The following GAB2 variants were observed in gnomAD, a reference collection of about 807,000 sequenced individuals.
GAB2 encodes GRB2 associated binding protein 2.
A neutral mutation model predicts 65.5 loss-of-function variants in GAB2; 26 were observed. The ratio of observed to expected loss-of-function variants is 0.40; its 90% CI spans 0.29 to 0.55. The LOEUF (loss-of-function observed/expected upper bound fraction) is 0.55. GAB2 is among the 20% of genes least tolerant of loss of function. The pLI is 0.53. For missense variants in GAB2, 884 were observed against 875.8 expected, an observed-to-expected ratio of 1.01 and a Z score of -0.12; for synonymous variants, 321 against 329.6, an observed-to-expected ratio of 0.97 and a Z score of 0.28.
rs958684301 is a variant in GAB2, at chr11:78,226,496, G to A, written c.1176C>T (p.Leu392=). 4.3e-6 allele frequency: 7 copies of A among 1,613,862 alleles called. No homozygotes were observed. In the African/African-American group the frequency reaches 8.0e-5, roughly 18 times the overall value. Residue 392 remains leucine, a synonymous_variant, in exon 4 of 10, where the codon CTC becomes CTT. Coordinates refer to ENST00000361507, the MANE Select transcript of GAB2 (RefSeq NM_080491.3). ...GAAGTCGGCTGTTGTCCATTGCAGG[G>A]AGGGTGTTGCGTCTGGGGATGGTGG... ...VAATIPRRNT[L]PAMDNSRLHR...
chr11:78,300,125 A>G (rs896632152), intron 1 of GAB2, among the ~76,000 whole-genome samples: 15 of 152,110 alleles, frequency 9.9e-5, no homozygotes, highest in Non-Finnish European at 1.9e-4. Context: ...CTCACTCCCT[A>G]TCCTGGTGCC....
chr11:78,336,522 A>G (rs1856006691), intron 1 of GAB2, among the ~76,000 whole-genome samples: 1 of 144,446 alleles, frequency 6.9e-6, no homozygotes, highest in Non-Finnish European at 1.5e-5. Context: ...TTTTCCAAAT[A>G]TGAGATCATA....
chr11:78,219,790 C>T (rs975733335), intron 9 of GAB2, among the ~76,000 whole-genome samples: 1 of 152,180 alleles, frequency 6.6e-6, no homozygotes, highest in African/African-American at 2.4e-5. Context: ...ACATCAGCCA[C>T]AGGACTTTAC....
At chr11:78,238,101 G>A (rs1865029768) in intron 3 of GAB2, among the ~76,000 whole-genome samples, 1 of 151,296 alleles carries the variant, frequency 6.6e-6, no homozygotes. Context: ...TAGGTGATGG[G>A]TTGATCTGTG....
At chr11:78,373,152 G>A (rs1302756386) in intron 1 of GAB2, among the ~76,000 whole-genome samples, 2 of 151,124 alleles carry the variant, frequency 1.3e-5, no homozygotes, top group East Asian at 1.9e-4. Context: ...ACAAATAATT[G>A]TACATGTTTA....
intron 1 of GAB2, among the ~76,000 whole-genome samples, chr11:78,398,216 T>C (rs1856926851): frequency 6.6e-6 from 1 of 152,240 alleles, no homozygotes; most frequent in African/African-American, 2.4e-5. Context: ...AAAGACACGC[T>C]GTCTACCCGA....
intron 1 of GAB2, among the ~76,000 whole-genome samples, chr11:78,412,150 A>T (rs1175722494): frequency 6.6e-6 from 1 of 151,812 alleles, no homozygotes. Flanking sequence ...AAAAAAAAAA[A>T]CCTATATATA....
intron 3 of GAB2, among the ~76,000 whole-genome samples, chr11:78,238,962 C>A (rs2134500897): frequency 6.6e-6 from 1 of 152,198 alleles, no homozygotes; most frequent in South Asian, 2.1e-4. Flanking sequence ...GGACAAAAGA[C>A]TTGAAATAGA....
intron 1 of GAB2, among the ~76,000 whole-genome samples, chr11:78,291,547 A>AT (rs1866674308): frequency 1.2e-5 from 1 of 86,754 alleles, no homozygotes; most frequent in Non-Finnish European, 2.2e-5. Context: ...TGAGAGACTT[A>AT]CTTTTTTCTT....
At chr11:78,386,268 T>G (rs1856765031) in intron 1 of GAB2, among the ~76,000 whole-genome samples, 1 of 152,180 alleles carries the variant, frequency 6.6e-6, no homozygotes, top group Admixed American at 6.5e-5. Flanking sequence ...CCATTCTAGT[T>G]GCTTCTTTCC....
chr11:78,388,168 G>A (rs950007820), intron 1 of GAB2: 2 of 151,958 alleles, frequency 1.3e-5, no homozygotes, highest in African/African-American at 4.8e-5. Flanking sequence ...TGGGACTATA[G>A]GCATGCACCA....
At chr11:78,392,070 C>G (rs530118159) in intron 1 of GAB2, 1 of 152,140 alleles carries the variant, frequency 6.6e-6, no homozygotes, top group Non-Finnish European at 1.5e-5. Context: ...AACCCTGTCT[C>G]TACTAAAAAT....
At chr11:78,356,145 C>A (rs1283267175) in intron 1 of GAB2, among the ~76,000 whole-genome samples, 1 of 149,616 alleles carries the variant, frequency 6.7e-6, no homozygotes, top group Non-Finnish European at 1.5e-5. Flanking sequence ...TGCACTCTAG[C>A]CTGGGTGAAA....
chr11:78,272,276 G>C (rs1866035741), intron 2 of GAB2, among the ~76,000 whole-genome samples: 1 of 152,204 alleles, frequency 6.6e-6, no homozygotes, highest in Non-Finnish European at 1.5e-5. Flanking sequence ...GCGGGGCTCA[G>C]AAGAAGACAG....
At chr11:78,263,175 C>T (rs551327446) in intron 2 of GAB2, among the ~76,000 whole-genome samples, 24 of 152,290 alleles carry the variant, frequency 1.6e-4, no homozygotes, top group Non-Finnish European at 3.2e-4. Context: ...CTGAAACCAT[C>T]GAATCCCAAA....
rs188261469 is a variant in GAB2 at position 78,337,133 on chromosome 11, A to G, written c.76-56232T>C. Among the ~76,000 whole-genome samples, 326 of 152,276 alleles carry G rather than the reference A, an allele frequency of 2.1e-3. 1 individual carries two copies. The highest frequency in any genetic ancestry group is 6.9e-3 in the African/African-American group (287 of 41,512). On this transcript the variant is annotated intron_variant, in intron 1 of 9. Transcript: ENST00000361507. The stretch of plus-strand genomic sequence containing the variant: ...ATTAAATGCTTCTTGCTCAATGTTC[A>G]TCTAATACCTTTGGGTTCCAAGATC...
chr11:78,385,152 A>G (rs1325435449), intron 1 of GAB2, among the ~76,000 whole-genome samples: 1 of 152,246 alleles, frequency 6.6e-6, no homozygotes, highest in African/African-American at 2.4e-5. Flanking sequence ...CCCAGAAAAC[A>G]AAGGACAGGG....
chr11:78,385,694 G>C (rs1856757100), intron 1 of GAB2, among the ~76,000 whole-genome samples: 1 of 152,162 alleles, frequency 6.6e-6, no homozygotes, highest in Non-Finnish European at 1.5e-5. Flanking sequence ...TTAGACACCA[G>C]AAACTCCACA....
chr11:78,351,812 G>C (rs899587445), intron 1 of GAB2, among the ~76,000 whole-genome samples: 4 of 152,134 alleles, frequency 2.6e-5, no homozygotes, highest in African/African-American at 9.7e-5. Context: ...AAGGAGACTG[G>C]TGAGAGAAAA....
Sources: gnomAD v4.1 joint callset for allele counts (sites outside exome capture counted in the v4.1 genomes callset) on GRCh38, gnomAD v4.1.1 for gene constraint, MANE v1.5 for transcripts, NCBI Gene and HGNC (gene_info 2026-07-23, HGNC 2026-07-21) for gene names.